PDE4D: variants seen among roughly 807,000 people sequenced by gnomAD.
PDE4D encodes 3',5'-cyclic-AMP phosphodiesterase 4D.
A neutral mutation model predicts 87.4 loss-of-function variants in PDE4D; 24 were observed. The observed-to-expected ratio is 0.27, with a 90% CI of 0.20 to 0.39. PDE4D has a LOEUF of 0.39. PDE4D is among the 10% of genes least tolerant of loss of function. The pLI is 1.00. For synonymous variants in PDE4D, 384 were observed against 383.2 expected (o/e 1.00, Z -0.02); for missense variants, 714 against 1,041.0 (o/e 0.69, Z 4.32).
chr5:59,625,575 C>T (rs973383152), intron 1 of PDE4D, among the ~76,000 whole-genome samples: 3 of 151,740 alleles, frequency 2.0e-5, no homozygotes, highest in African/African-American at 4.8e-5. Flanking sequence ...TAAAAAAAGA[C>T]TATAGCCAAA....
intron 1 of PDE4D, among the ~76,000 whole-genome samples, chr5:59,377,750 G>A (rs923774199): frequency 6.6e-6 from 1 of 152,146 alleles, no homozygotes; most frequent in African/African-American, 2.4e-5. Flanking sequence ...TTAGAGAAAT[G>A]CAAATCAAAA....
At chr5:60,104,143 G>A (rs1776564702) in intron 2 of PDE4D, among the ~76,000 whole-genome samples, 1 of 152,188 alleles carries the variant, frequency 6.6e-6, no homozygotes, top group South Asian at 2.1e-4. Context: ...TGGAAAATCA[G>A]GTCACTCCCA....
intron 3 of PDE4D, among the ~76,000 whole-genome samples, chr5:59,904,845 T>A (rs1313397647): frequency 6.6e-6 from 1 of 152,160 alleles, no homozygotes; most frequent in East Asian, 1.9e-4. Context: ...TGGGAAAAGA[T>A]GCTGTTTATT....
intron 1 of PDE4D, among the ~76,000 whole-genome samples, chr5:59,292,673 T>C (rs1053211010): frequency 6.6e-6 from 1 of 152,186 alleles, no homozygotes; most frequent in African/African-American, 2.4e-5. Flanking sequence ...CATAATCTTA[T>C]GCTTTGAACA....
At chr5:59,016,153 G>C (rs2153370031) in intron 6 of PDE4D, among the ~76,000 whole-genome samples, 1 of 152,232 alleles carries the variant, frequency 6.6e-6, no homozygotes, top group East Asian at 1.9e-4. Flanking sequence ...GGGAGGGATA[G>C]CATTAGGAGA....
chr5:59,135,396 T>C (rs1016006243), intron 5 of PDE4D, among the ~76,000 whole-genome samples: 4 of 152,214 alleles, frequency 2.6e-5, no homozygotes, highest in African/African-American at 9.7e-5. Context: ...ACATTATAAA[T>C]TCAATTAAAT....
intron 2 of PDE4D, among the ~76,000 whole-genome samples, chr5:60,148,929 G>A (rs1781253893): frequency 6.6e-6 from 1 of 152,028 alleles, no homozygotes; most frequent in African/African-American, 2.4e-5. Context: ...GAATTCCTGG[G>A]GTGCTGATTT....
chr5:59,081,657 A>C (rs540940804), intron 5 of PDE4D, among the ~76,000 whole-genome samples: 1 of 152,026 alleles, frequency 6.6e-6, no homozygotes, highest in Non-Finnish European at 1.5e-5. Flanking sequence ...ATGGTTTTGT[A>C]TATCTTTTCC....
chr5:59,770,872 C>G (rs1763363799), intron 1 of PDE4D, among the ~76,000 whole-genome samples: 1 of 152,154 alleles, frequency 6.6e-6, no homozygotes, highest in Non-Finnish European at 1.5e-5. Flanking sequence ...TGGCTCACAC[C>G]TGTAATCTCA....
At chr5:60,131,819 C>T (rs1389614458) in intron 2 of PDE4D, among the ~76,000 whole-genome samples, 1 of 152,198 alleles carries the variant, frequency 6.6e-6, no homozygotes, top group African/African-American at 2.4e-5. Context: ...GATCAAAATG[C>T]TGATTACATC....
At chr5:60,202,952 C>T (rs1428461068) in intron 1 of PDE4D, among the ~76,000 whole-genome samples, 2 of 152,122 alleles carry the variant, frequency 1.3e-5, no homozygotes, top group African/African-American at 4.8e-5. Flanking sequence ...CAGTCAAAGC[C>T]TTGTTCATAA....
intron 1 of PDE4D, among the ~76,000 whole-genome samples, chr5:59,547,156 GATAAA>G (rs1817407758): frequency 6.6e-6 from 1 of 152,114 alleles, no homozygotes; most frequent in Non-Finnish European, 1.5e-5. Flanking sequence ...CTGTGGAATA[GATAAA>G]ATAAGGAGTA....
intron 1 of PDE4D, among the ~76,000 whole-genome samples, chr5:60,203,753 T>C (rs902531102): frequency 1.3e-5 from 2 of 152,168 alleles, no homozygotes; most frequent in Admixed American, 6.5e-5. Context: ...ATATGAAAGA[T>C]GGTGCAGGTA....
chr5:59,476,934 T>C (rs976813514), intron 1 of PDE4D, among the ~76,000 whole-genome samples: 3 of 152,024 alleles, frequency 2.0e-5, no homozygotes, highest in Non-Finnish European at 4.4e-5. Flanking sequence ...TGGAAGGTAA[T>C]TGAATCTCAT....
chr5:59,686,196 T>C (rs1450288196), intron 1 of PDE4D, among the ~76,000 whole-genome samples: 4 of 152,160 alleles, frequency 2.6e-5, no homozygotes. Context: ...AAGCAAGAAC[T>C]ATGATTTAAT....
At chr5:60,496,212 G>A (rs1238868999) in intron 1 of PDE4D, among the ~76,000 whole-genome samples, 2 of 152,182 alleles carry the variant, frequency 1.3e-5, no homozygotes, top group East Asian at 3.8e-4. Context: ...ACGCTCCTGA[G>A]TATAGGACAA....
chr5:59,311,758 G>A (rs763033378), intron 1 of PDE4D, among the ~76,000 whole-genome samples: 1 of 152,040 alleles, frequency 6.6e-6, no homozygotes, highest in Non-Finnish European at 1.5e-5. Flanking sequence ...ACCATTCTCC[G>A]GCTAGACCTT....
intron 2 of PDE4D, among the ~76,000 whole-genome samples, chr5:60,055,622 C>T (rs182546350): frequency 6.6e-6 from 1 of 152,178 alleles, no homozygotes; most frequent in African/African-American, 2.4e-5. Context: ...GTGCTTTGTA[C>T]TAAGCACTTT....
At chr5:59,258,212 C>G (rs1761336824) in intron 1 of PDE4D, among the ~76,000 whole-genome samples, 1 of 151,884 alleles carries the variant, frequency 6.6e-6, no homozygotes, top group Non-Finnish European at 1.5e-5. Context: ...CTCAACTTCC[C>G]TGACCACTCC....
Sources: allele counts gnomAD v4.1 joint callset (sites outside exome capture counted in the v4.1 genomes callset), GRCh38; gene constraint gnomAD v4.1.1; transcripts MANE v1.5; gene names NCBI Gene and HGNC (gene_info 2026-07-23, HGNC 2026-07-21).